The following ARMCX4 variants were observed in gnomAD, a reference collection of about 807,000 sequenced individuals.
The protein encoded by ARMCX4 is armadillo repeat-containing X-linked protein 4.
A neutral mutation model predicts 34.7 loss-of-function variants in ARMCX4; 3 were observed. The observed-to-expected ratio is 0.09, with a 90% CI of 0.04 to 0.22. ARMCX4 has a LOEUF of 0.22. ARMCX4 is among the 10% of genes least tolerant of loss of function. The pLI, the probability that ARMCX4 is intolerant of heterozygous loss-of-function variation, is 1.00. For synonymous variants in ARMCX4, 513 were observed against 632.8 expected, an observed-to-expected ratio of 0.81 and a Z score of 2.84; for missense variants, 1,448 against 1,720.8, an observed-to-expected ratio of 0.84 and a Z score of 2.81.
intron 8 of ARMCX4, among the ~76,000 whole-genome samples, chrX:101,506,940 C>T (rs1294916620): frequency 9.0e-6 from 1 of 111,239 alleles, no homozygotes; most frequent in Non-Finnish European, 1.9e-5. Context: ...ACTTACAATT[C>T]TCTTAACTAT....
intron 2 of ARMCX4, among the ~76,000 whole-genome samples, chrX:101,433,960 T>A (rs1420918994): frequency 2.7e-5 from 3 of 109,707 alleles, no homozygotes; most frequent in Non-Finnish European, 5.7e-5. Flanking sequence ...TTTTTTTTTT[T>A]TCCGAGATGG....
intron 2 of ARMCX4, among the ~76,000 whole-genome samples, chrX:101,427,005 A>G (rs1489048506): frequency 1.8e-5 from 2 of 112,376 alleles, no homozygotes; most frequent in Non-Finnish European, 3.8e-5. Context: ...TCAATGCCAA[A>G]TCTCAGAAAG....
chrX:101,445,808 A>G (rs1555997923), intron 3 of ARMCX4, among the ~76,000 whole-genome samples: 1 of 110,811 alleles, frequency 9.0e-6, no homozygotes, highest in Non-Finnish European at 1.9e-5. Context: ...GAGGGTGGGT[A>G]TGTGGCGCCT....
At chrX:101,504,626 G>C (rs1934402400) in intron 7 of ARMCX4, among the ~76,000 whole-genome samples, 1 of 110,897 alleles carries the variant, frequency 9.0e-6, no homozygotes, top group Non-Finnish European at 1.9e-5. Context: ...TCAGTTCTGG[G>C]TCTGACTCTG....
At chrX:101,480,175 C>CAT (rs1189078125) in intron 4 of ARMCX4, among the ~76,000 whole-genome samples, 41 of 93,733 alleles carry the variant, frequency 4.4e-4, no homozygotes, top group African/African-American at 1.5e-3. Flanking sequence ...CACACACACA[C>CAT]ATATATATGC....
intron 2 of ARMCX4, among the ~76,000 whole-genome samples, chrX:101,434,622 AATTTATTT>A (rs1178777551): frequency 9.1e-6 from 1 of 110,186 alleles, no homozygotes; most frequent in Non-Finnish European, 1.9e-5. Flanking sequence ...TATTCTATTC[AATTTATTT>A]ATTTATTTAT....
Position 101,494,808 on chromosome X carries a change from T to G in ARMCX4, c.6219T>G (p.Ser2073=). ...CTTTATATAACAGTGCTGATTATTCTTATTCTCATGAAGTTGTTCGTAATG... is the reference window on the plus strand; with the variant it reads ...CTTTATATAACAGTGCTGATTATTCGTATTCTCATGAAGTTGTTCGTAATG... ...NNALYNSADY[S]YSHEVVRNVG... The change falls in exon 6 of 6, where the codon TCT becomes TCG. Residue 2073 remains serine, a synonymous_variant. Transcript: ENST00000423738. 2 of 1,154,623 alleles carry G rather than the reference T, an allele frequency of 1.7e-6. No homozygotes were observed. Among genetic ancestry groups the G allele is most frequent in the Non-Finnish European group, 2.3e-6 (2 of 871,470 alleles).
chrX:101,476,364 C>T (rs1366679087), intron 4 of ARMCX4, among the ~76,000 whole-genome samples: 1 of 108,768 alleles, frequency 9.2e-6, no homozygotes, highest in Non-Finnish European at 1.9e-5. Flanking sequence ...TGTATCAAAA[C>T]ATTTCATGTA....
chrX:101,492,332 G>A lies in ARMCX4; in HGVS notation c.3743G>A (p.Gly1248Glu). 1 of 1,150,693 alleles carries A rather than the reference G, an allele frequency of 8.7e-7. No homozygotes were observed. The highest frequency in any genetic ancestry group is 1.1e-6 in the Non-Finnish European group (1 of 869,770). 94.8% of individuals were successfully genotyped at this position (1,150,693 alleles called of 1,213,427 possible). A position where few individuals can be genotyped will look rare whatever the true frequency, so the allele number is the denominator to read the frequency against. ...CAGGCCAGTGATGGGTCCTGGCCTG[G>A]GGGACAGGCCAGTGGGGTGTCCTGG... ...AGQASDGSWPGGQASGVSWVG... is the reference protein window; with the variant it reads ...AGQASDGSWPEGQASGVSWVG... The change falls in exon 6 of 6, where the codon GGG (glycine) becomes GAG (glutamate). Residue 1248 changes from glycine to glutamate, a missense_variant. Gly to Glu is a moderately conservative substitution (Grantham distance 98). Around this residue, in one of 2 missense-constraint regions of ARMCX4, gnomAD observed 1,343 missense variants for 1,540.7 expected, o/e 0.87. Coordinates refer to ENST00000423738, the MANE Select transcript of ARMCX4 (RefSeq NM_001256155.3).
chrX:101,489,767 G>A lies in ARMCX4; in HGVS notation c.1178G>A (p.Gly393Glu). 1 of 1,155,446 alleles carries A rather than the reference G, an allele frequency of 8.7e-7. No individual in the cohort carries two copies. Among genetic ancestry groups the A allele is most frequent in the Non-Finnish European group, 1.1e-6 (1 of 872,787 alleles). Residue 393 changes from glycine to glutamate, a missense_variant, in exon 6 of 6, where the codon GGA becomes GAA. Physicochemically the swap from Gly to Glu is moderately conservative, Grantham distance 98. This residue lies in a region of ARMCX4 where 1,343 missense variants were observed against 1,540.7 expected (regional missense o/e 0.87). Transcript: ENST00000423738. ...NTNVISKAIT[G>E]ADMRAAAQPQ... The stretch of plus-strand genomic sequence containing the variant: ...AATGTCATATCTAAGGCAATAACTG[G>A]AGCTGACATGAGAGCTGCTGCTCAG...
chrX:101,532,918 G>A (rs782697807), intron 12 of ARMCX4: 1 of 111,304 alleles, frequency 9.0e-6, no homozygotes, highest in Non-Finnish European at 1.9e-5. Context: ...GTGGCTGATG[G>A]GATTTTTTTT....
intron 11 of ARMCX4, among the ~76,000 whole-genome samples, chrX:101,524,684 C>T (rs1229609770): frequency 8.9e-6 from 1 of 111,911 alleles, no homozygotes; most frequent in African/African-American, 3.2e-5. Flanking sequence ...CGGCGGGTCC[C>T]ATGCCCATGG....
intron 11 of ARMCX4, among the ~76,000 whole-genome samples, chrX:101,514,324 T>C (rs1934661719): frequency 9.0e-6 from 1 of 111,054 alleles, no homozygotes; most frequent in Admixed American, 9.6e-5. Context: ...ATGAAAAAAA[T>C]AGCACCATAT....
At position 101,491,833 on chromosome X, in the gene ARMCX4, A is replaced by G. The variant is rs782736296; in HGVS notation, c.3244A>G (p.Thr1082Ala). Residue 1082 changes from threonine to alanine, a missense_variant, in exon 6 of 6, where the codon ACT becomes GCT. Physicochemically the swap from Thr to Ala is moderately conservative, Grantham distance 58. This residue lies in a region of ARMCX4 where 1,343 missense variants were observed against 1,540.7 expected (regional missense o/e 0.87). Transcript: ENST00000423738. ...PTSESEGGSG[T>A]QACRKTQPNI... ...TTCTGAGAGTGAGGGTGGGTCAGGC[A>G]CTCAAGCCTGCAGAAAGACTCAGCC... 222 of 1,155,167 alleles carry G rather than the reference A, an allele frequency of 1.9e-4. 3 individuals carry two copies. The South Asian group carries it at 3.9e-3, about 20-fold the overall frequency.
intron 2 of ARMCX4, among the ~76,000 whole-genome samples, chrX:101,426,024 T>C (rs1035055913): frequency 2.7e-5 from 3 of 110,254 alleles, no homozygotes; most frequent in Non-Finnish European, 5.7e-5. Flanking sequence ...GGTCTTGCCA[T>C]GTTACCCAGT....
At position 101,493,986 on chromosome X, in the gene ARMCX4, G is replaced by A; in HGVS notation, c.5397G>A (p.Glu1799=). 1.3e-6 allele frequency: 1 copy of A among 791,459 alleles called. No individual in the cohort carries two copies. The highest frequency in any genetic ancestry group is 2.9e-5 in the South Asian group (1 of 34,954). 65.2% of individuals were successfully genotyped at this position (791,459 alleles called of 1,213,427 possible). A position where few individuals can be genotyped will look rare whatever the true frequency, so the allele number is the denominator to read the frequency against. The stretch of plus-strand genomic sequence containing the variant: ...GTGGCTCCTGGATTAGATCTGAGGA[G>A]GTGGCTTATATGGGCTCCTGTGTAG... The part of the protein sequence containing the change: ...ASSGSWIRSE[E]VAYMGSCVGA... The change falls in exon 6 of 6, where the codon GAG becomes GAA. Residue 1799 remains glutamate, a synonymous_variant. Coordinates refer to ENST00000423738, the MANE Select transcript of ARMCX4 (RefSeq NM_001256155.3).
chrX:101,436,521 C>T (rs369333177), intron 2 of ARMCX4, among the ~76,000 whole-genome samples: 146 of 111,403 alleles, frequency 1.3e-3, no homozygotes, highest in African/African-American at 4.6e-3. Flanking sequence ...CTGAAGTTGC[C>T]TGTCAGCTTA....
At position 101,494,395 on chromosome X, in the gene ARMCX4, G is replaced by A; in HGVS notation, c.5806G>A (p.Asp1936Asn). 1 of 1,155,651 alleles carries A rather than the reference G, an allele frequency of 8.7e-7. No individual in the cohort carries two copies. The highest frequency in any genetic ancestry group is 1.1e-6 in the Non-Finnish European group (1 of 872,708). ...AGCTGGGGATAACACCAGCATCAAG[G>A]ATAAGTTTGAGGCTGCTGGTGGAGT... ...SGAGDNTSIK[D>N]KFEAAGGVDI... The change falls in exon 6 of 6, where the codon GAT (aspartate) becomes AAT (asparagine). Residue 1936 changes from aspartate to asparagine, a missense_variant. Asp to Asn is a conservative substitution (Grantham distance 23). Transcript: ENST00000423738.
chrX:101,468,998 C>T lies in ARMCX4; in HGVS notation c.-472-17025C>T, dbSNP rs186229187. On this transcript the variant is annotated intron_variant and NMD_transcript_variant, in intron 4 of 15. Transcript: ENST00000433011. ...ACAGACTAGGAGAAAATATTTACAACATATAAAACAGAGAAACAAGTACTA... is the reference window on the plus strand; with the variant it reads ...ACAGACTAGGAGAAAATATTTACAATATATAAAACAGAGAAACAAGTACTA... 3.4e-4 allele frequency among the ~76,000 whole-genome samples: 38 copies of T among 111,949 alleles called. 1 individual carries two copies. In the East Asian group the frequency reaches 9.8e-3, roughly 29 times the overall value.
Sources: allele counts gnomAD v4.1 joint callset (sites outside exome capture counted in the v4.1 genomes callset), GRCh38; gene constraint gnomAD v4.1.1; regional missense constraint gnomAD v4.1.1; transcripts MANE v1.5; gene names NCBI Gene and HGNC (gene_info 2026-07-23, HGNC 2026-07-21).